The following LIPI variants were observed in gnomAD, a reference collection of about 807,000 sequenced individuals.
LIPI encodes the protein lipase I, also known as lipase member I.
In LIPI, 59 loss-of-function variants were observed where a neutral mutation model predicts 50.6. The ratio of observed to expected loss-of-function variants is 1.16; its 90% confidence interval spans 0.94 to 1.45. The LOEUF is 1.45. Among genes scored for constraint, LIPI ranks in the 40% most tolerant of loss-of-function variants. The pLI, the probability that LIPI is intolerant of heterozygous loss-of-function variation, is 0.00. For missense variants in LIPI, 586 were observed against 536.3 expected, an observed-to-expected ratio of 1.09 and a Z score of -0.92; for synonymous variants, 203 against 178.2, an observed-to-expected ratio of 1.14 and a Z score of -1.11.
Position 14,126,641 on chromosome 21 carries a change from A to G in LIPI, c.1296-17561T>C, listed in dbSNP as rs1447476140. On this transcript the variant is annotated intron_variant, in intron 9 of 9. Coordinates refer to ENST00000681601, the MANE Select transcript of LIPI (RefSeq NM_001302998.2). The stretch of plus-strand genomic sequence containing the variant: ...TTATATATCATTTATATTGTATTAA[A>G]TACTGTAAGTAATCTACAGATAAGG... 2.0e-5 allele frequency among the ~76,000 whole-genome samples: 3 copies of G among 152,212 alleles called. No homozygotes were observed. In the East Asian group the frequency reaches 5.8e-4, roughly 29 times the overall value.
chr21:14,186,249 AAATATTTGATTTTTCTTTATTCATTTTT>A (rs1444155426), intron 2 of LIPI, among the ~76,000 whole-genome samples, 180 bp from the exon 3 acceptor site: 1 of 152,194 alleles, frequency 6.6e-6, no homozygotes, highest in Non-Finnish European at 1.5e-5. Flanking sequence ...TTTTGCCACA[AAATATTTGATTTTTCTTTATTCATTTTT>A]AATATCAATT....
At position 14,142,455 on chromosome 21, in the gene LIPI, T is replaced by A. The variant is rs1410931626; in HGVS notation, c.1295+2168A>T. 2.0e-5 allele frequency among the ~76,000 whole-genome samples: 3 copies of A among 149,212 alleles called. No homozygotes were observed. In the South Asian group the frequency reaches 6.3e-4, roughly 31 times the overall value. On this transcript the variant is annotated intron_variant, in intron 9 of 9. Coordinates refer to ENST00000681601, the MANE Select transcript of LIPI (RefSeq NM_001302998.2). ...TAATTATGTATTATATAAGTATATT[T>A]ATAGATTATAGATAATATATTATAT...
chr21:14,181,071 G>C (rs1281565179), intron 4 of LIPI, among the ~76,000 whole-genome samples: 1 of 152,134 alleles, frequency 6.6e-6, no homozygotes, highest in East Asian at 1.9e-4. Context: ...AATGACAGTT[G>C]TTATCTATCT....
intron 9 of LIPI, among the ~76,000 whole-genome samples, chr21:14,141,282 T>C (rs2017696984): frequency 6.6e-6 from 1 of 152,078 alleles, no homozygotes; most frequent in Admixed American, 6.6e-5. Context: ...TTTTCTCTAT[T>C]TTTATATCTC....
At chr21:14,207,128 A>G (rs1356706241) in intron 1 of LIPI, among the ~76,000 whole-genome samples, 1 of 152,210 alleles carries the variant, frequency 6.6e-6, no homozygotes, top group Admixed American at 6.5e-5. Flanking sequence ...AGTGGCAGAA[A>G]GCAAAATAAA....
chr21:14,185,674 T>TA lies in LIPI; in HGVS notation c.541+286dup, dbSNP rs543753476. 2.2e-3 allele frequency among the ~76,000 whole-genome samples: 341 copies of TA among 152,192 alleles called. 1 individual carries two copies. The highest frequency in any genetic ancestry group is 7.6e-3 in the African/African-American group (315 of 41,510). On this transcript the variant is annotated intron_variant, in intron 3 of 9. Transcript: ENST00000681601. ...AGGCAGATTACTTGAGGTCAGGAGT[T>TA]AGAGACCAGTCTGGCCAACATGGTG... is the stretch of plus-strand genomic sequence containing the variant.
intron 4 of LIPI, among the ~76,000 whole-genome samples, chr21:14,173,511 A>G (rs2018992337): frequency 6.6e-6 from 1 of 152,244 alleles, no homozygotes; most frequent in Non-Finnish European, 1.5e-5. Context: ...CAAGCTCAGA[A>G]TACTCAGGAC....
At chr21:14,177,188 G>A (rs1600902728) in intron 4 of LIPI, among the ~76,000 whole-genome samples, 1 of 152,058 alleles carries the variant, frequency 6.6e-6, no homozygotes, top group East Asian at 1.9e-4. Flanking sequence ...TGAGTTCAAA[G>A]TTTTATTATT....
At chr21:14,116,523 T>C (rs1455040647) in intron 9 of LIPI, among the ~76,000 whole-genome samples, 1 of 152,184 alleles carries the variant, frequency 6.6e-6, no homozygotes, top group African/African-American at 2.4e-5. Flanking sequence ...GTTGAAGAAC[T>C]TTAAGAAAGG....
At chr21:14,136,263 C>T (rs1013017915) in intron 9 of LIPI, among the ~76,000 whole-genome samples, 21 of 152,212 alleles carry the variant, frequency 1.4e-4, no homozygotes, top group Middle Eastern at 6.8e-3. Flanking sequence ...CAAGTGGGCT[C>T]GTGGGGTTCA....
chr21:14,115,153 C>T (rs982592024), intron 9 of LIPI, among the ~76,000 whole-genome samples: 1 of 152,158 alleles, frequency 6.6e-6, no homozygotes, highest in African/African-American at 2.4e-5. Flanking sequence ...TACTAACTAC[C>T]TGTTTTTCCT....
intron 1 of LIPI, among the ~76,000 whole-genome samples, chr21:14,193,893 G>GATTA (rs970654699): frequency 5.3e-5 from 8 of 151,990 alleles, no homozygotes; most frequent in African/African-American, 1.9e-4. Flanking sequence ...ATCTGATATG[G>GATTA]ATTAATTAAT....
At chr21:14,130,661 G>A (rs1314688656) in intron 9 of LIPI, among the ~76,000 whole-genome samples, 1 of 152,160 alleles carries the variant, frequency 6.6e-6, no homozygotes, top group Non-Finnish European at 1.5e-5. Context: ...CCTGACCCTT[G>A]GGCCAAGTTT....
intron 1 of LIPI, among the ~76,000 whole-genome samples, chr21:14,200,564 T>G (rs1402405015): frequency 6.6e-6 from 1 of 151,654 alleles, no homozygotes; most frequent in Non-Finnish European, 1.5e-5. Context: ...TAGTGAAAGG[T>G]CTCTACTAGG....
intron 4 of LIPI, among the ~76,000 whole-genome samples, chr21:14,172,308 G>C (rs2018941933): frequency 3.3e-5 from 5 of 152,258 alleles, no homozygotes; most frequent in South Asian, 2.1e-4. Flanking sequence ...AGTCAGTGTG[G>C]CGATTCCTCA....
chr21:14,174,757 G>T (rs1424218414), intron 4 of LIPI, among the ~76,000 whole-genome samples: 2 of 152,068 alleles, frequency 1.3e-5, no homozygotes, highest in Non-Finnish European at 2.9e-5. Flanking sequence ...CTTTCACCAT[G>T]CCAGCCAGGC....
At chr21:14,196,880 G>T (rs2019881710) in intron 1 of LIPI, among the ~76,000 whole-genome samples, 1 of 151,976 alleles carries the variant, frequency 6.6e-6, no homozygotes, top group Non-Finnish European at 1.5e-5. Flanking sequence ...ACATTTTATT[G>T]TATTTATAGT....
chr21:14,111,775 G>A (rs372780619), intron 9 of LIPI, among the ~76,000 whole-genome samples: 10 of 152,016 alleles, frequency 6.6e-5, no homozygotes, highest in African/African-American at 2.4e-4. Context: ...TGTATAAGGT[G>A]TGACATAAAG....
chr21:14,134,283 G>A (rs1269094005), intron 9 of LIPI, among the ~76,000 whole-genome samples: 2 of 151,976 alleles, frequency 1.3e-5, no homozygotes, highest in Admixed American at 6.6e-5. Flanking sequence ...TTACTGATGA[G>A]AGAAATCATA....
Sources: gnomAD v4.1 joint callset for allele counts (sites outside exome capture counted in the v4.1 genomes callset) on GRCh38, gnomAD v4.1.1 for gene constraint, MANE v1.5 for transcripts, NCBI Gene and HGNC (gene_info 2026-07-23, HGNC 2026-07-21) for gene names.